Variants in DUOX1 observed in about 807,000 individuals in gnomAD.
DUOX1 encodes NADPH thyroid oxidase 1.
A neutral mutation model predicts 181.8 loss-of-function variants in DUOX1; 134 were observed. The ratio of observed to expected loss-of-function variants is 0.74; its 90% confidence interval spans 0.64 to 0.85. DUOX1 has a LOEUF of 0.85. DUOX1 is among the 40% of genes least tolerant of loss of function. The pLI is 0.00. For synonymous variants in DUOX1, 798 were observed against 832.5 expected (o/e 0.96, Z 0.71); for missense variants, 1,814 against 2,064.4 (o/e 0.88, Z 2.35).
intron 12 of DUOX1, chr15:45,139,889 C>T (rs2141263312): frequency 3.5e-6 from 2 of 576,268 alleles, no homozygotes; most frequent in Non-Finnish European, 6.2e-6. Context: ...CTCCACCCTC[C>T]TGAGTGGGTA....
chr15:45,158,977 CTT>C (rs1897032700), intron 28 of DUOX1, among the ~76,000 whole-genome samples: 1 of 152,146 alleles, frequency 6.6e-6, no homozygotes, highest in East Asian at 1.9e-4. Flanking sequence ...CTAGGGAAGA[CTT>C]TGAGGAGAAG....
intron 18 of DUOX1, among the ~76,000 whole-genome samples, chr15:45,147,114 G>C (rs1218643385): frequency 1.3e-5 from 2 of 152,220 alleles, no homozygotes; most frequent in African/African-American, 4.8e-5. Flanking sequence ...TCCTCCCCTA[G>C]GCTGCCTTTG....
intron 26 of DUOX1, chr15:45,153,711 T>TC: frequency 1.6e-6 from 1 of 640,494 alleles, no homozygotes; most frequent in African/African-American, 1.8e-5. Context: ...AAGGGTCCCA[T>TC]CTGGAATTCC....
At chr15:45,162,678 G>T (rs934907133) in intron 31 of DUOX1, among the ~76,000 whole-genome samples, 1 of 152,232 alleles carries the variant, frequency 6.6e-6, no homozygotes, top group Non-Finnish European at 1.5e-5. Context: ...AAGGTTGGAG[G>T]GGGTAAAGAA....
In DUOX1 at chr15:45,143,222, C is replaced by T; in HGVS notation, c.1855C>T (p.Leu619Phe). The change falls in exon 16 of 34, where the codon CTC (leucine) becomes TTC (phenylalanine). Residue 619 changes from leucine to phenylalanine, a missense_variant. This residue lies in a region of DUOX1 where 1,064 missense variants were observed against 1,152.9 expected (regional missense o/e 0.92). Transcript: ENST00000389037. ...SLLSAWIVAR[L>F]RMRNFKRLQG... is the part of the protein sequence containing the mutation. ...GCTCAGTGCCTGGATTGTTGCCCGG[C>T]TCCGGATGAGAAATTTCAAGAGGCT... is the stretch of plus-strand genomic sequence containing the variant. The T allele has an allele frequency of 6.2e-7, 1 of 1,614,118 alleles. No individual in the cohort carries two copies. The highest frequency in any genetic ancestry group is 8.5e-7 in the Non-Finnish European group (1 of 1,180,008).
rs150434930 is a variant in DUOX1 at position 45,142,088 on chromosome 15, G to T, written c.1798G>T (p.Gly600Trp). 1.9e-6 allele frequency: 3 copies of T among 1,613,852 alleles called. No individual in the cohort carries two copies. In the African/African-American group the frequency reaches 4.0e-5, roughly 22 times the overall value. ...GSGFGFGVTIGTLCCFPLVSL... is the reference protein window; with the variant it reads ...GSGFGFGVTIWTLCCFPLVSL... ...TGGATTTGGCTTCGGGGTCACCATC[G>T]GGACCCTCTGTTGCTTCCCTTTGGG... Residue 600 changes from glycine to tryptophan, a missense_variant, in exon 15 of 34, where the codon GGG (glycine) becomes TGG (tryptophan). Coordinates refer to ENST00000389037, the MANE Select transcript of DUOX1 (RefSeq NM_175940.3).
At chr15:45,150,270 T>C (rs2141283963) in intron 21 of DUOX1, 2 of 228,306 alleles carry the variant, frequency 8.8e-6, no homozygotes, top group Non-Finnish European at 1.7e-5. Flanking sequence ...ATTTAGCTCT[T>C]GGAGGTTTTA....
chr15:45,160,706 G>A (rs748629099), intron 28 of DUOX1, 131 bp from the exon 29 acceptor site: 2 of 1,036,952 alleles, frequency 1.9e-6, no homozygotes, highest in Non-Finnish European at 2.5e-6. Flanking sequence ...CAACCTAGAA[G>A]GAGCATGGTA....
At chr15:45,143,876 G>A (rs933200481) in intron 16 of DUOX1, among the ~76,000 whole-genome samples, 160 bp from the exon 17 acceptor site, 1 of 152,230 alleles carries the variant, frequency 6.6e-6, no homozygotes, top group African/African-American at 2.4e-5. Flanking sequence ...GGGGCTAGAG[G>A]CACAGCCAGG....
chr15:45,147,210 G>C (rs1896676044), intron 18 of DUOX1, among the ~76,000 whole-genome samples: 1 of 152,358 alleles, frequency 6.6e-6, no homozygotes, highest in South Asian at 2.1e-4. Context: ...AGTCAAGACA[G>C]ACCTCACACT....
intron 1 of DUOX1, 197 bp from the exon 2 acceptor site, chr15:45,131,711 TGTCTATGTCA>T (rs1896153668): frequency 1.9e-6 from 1 of 526,498 alleles, no homozygotes; most frequent in African/African-American, 1.9e-5. Context: ...TAATCTCCAG[TGTCTATGTCA>T]GTGGCTGGTA....
intron 22 of DUOX1, 130 bp from the exon 23 acceptor site, chr15:45,150,993 G>A: frequency 2.3e-6 from 3 of 1,329,356 alleles, no homozygotes; most frequent in South Asian, 1.4e-5. Flanking sequence ...GTGACTGTGG[G>A]AATCCTGCTG....
In DUOX1 at chr15:45,151,999, G is replaced by T. The variant is rs753273008; in HGVS notation, c.3140G>T (p.Cys1047Phe). The change falls in exon 24 of 34, where the codon TGC becomes TTC. Residue 1047 changes from cysteine to phenylalanine, a missense_variant. Cys to Phe is a radical substitution (Grantham distance 205, BLOSUM62 -2). Coordinates refer to ENST00000389037, the MANE Select transcript of DUOX1 (RefSeq NM_175940.3). ...GAGAACTACCGGCGCCACATCGGCT[G>T]CGTGGCCGTGTTCTACGCCATCGCT... ...FIENYRRHIG[C>F]VAVFYAIAGG... is the part of the protein sequence containing the mutation. The T allele has an allele frequency of 5.0e-6, 8 of 1,614,160 alleles. 1 individual carries two copies. The South Asian group carries it at 8.8e-5, about 18-fold the overall frequency.
intron 5 of DUOX1, 32 bp from the exon 6 acceptor site, chr15:45,135,442 C>G (rs773012704): frequency 2.0e-6 from 3 of 1,538,130 alleles, no homozygotes; most frequent in African/African-American, 1.4e-5. Flanking sequence ...CGCCGCCCAT[C>G]GACCCGGGCT....
At chr15:45,155,226 A>C (rs143264989) in intron 27 of DUOX1, among the ~76,000 whole-genome samples, 20 of 152,290 alleles carry the variant, frequency 1.3e-4, no homozygotes, top group African/African-American at 4.8e-4. Context: ...ATTCTTGAGA[A>C]CCCGAGAGTC....
chr15:45,158,538 G>A (rs937615942), intron 28 of DUOX1, among the ~76,000 whole-genome samples: 3 of 151,380 alleles, frequency 2.0e-5, no homozygotes, highest in African/African-American at 4.9e-5. Flanking sequence ...GTGAAACCCC[G>A]TCTCTACAAA....
In DUOX1 at chr15:45,136,513, T is replaced by G. The variant is rs748742911; in HGVS notation, c.926-16T>G. The G allele has an allele frequency of 6.2e-7, 1 of 1,613,936 alleles. No homozygotes were observed. The highest frequency in any genetic ancestry group is 1.3e-5 in the African/African-American group (1 of 74,876). On this transcript the variant is annotated splice_polypyrimidine_tract_variant and intron_variant, in intron 8 of 33. Coordinates refer to ENST00000389037, the MANE Select transcript of DUOX1 (RefSeq NM_175940.3). ...AGGGCTAAATTCTTCTGTCCTCTCT[T>G]CTCCTATTTCCCCAGGATACCGGCC...
intron 31 of DUOX1, 28 bp from the exon 32 acceptor site, chr15:45,163,504 G>T: frequency 6.2e-7 from 1 of 1,613,148 alleles, no homozygotes; most frequent in African/African-American, 1.3e-5. Context: ...GCTGAGATGG[G>T]TCCTGAACTC....
intron 30 of DUOX1, 100 bp downstream of exon 30, chr15:45,162,070 C>A: frequency 6.9e-7 from 1 of 1,446,308 alleles, no homozygotes; most frequent in South Asian, 1.3e-5. Flanking sequence ...CCCCTCTCTG[C>A]ATCTAGAGAC....
Sources: allele counts gnomAD v4.1 joint callset (sites outside exome capture counted in the v4.1 genomes callset), GRCh38; gene constraint gnomAD v4.1.1; regional missense constraint gnomAD v4.1.1; transcripts MANE v1.5; gene names NCBI Gene and HGNC (gene_info 2026-07-23, HGNC 2026-07-21).